FBXW4: variants seen among roughly 807,000 people sequenced by gnomAD.
FBXW4 encodes the protein F-box and WD repeat domain containing 4.
Under a neutral mutation model 61.8 loss-of-function variants are expected in FBXW4, and 40 were observed. The ratio of observed to expected loss-of-function variants is 0.65; its 90% CI spans 0.50 to 0.84. FBXW4 has a LOEUF of 0.84. FBXW4 is among the 40% of genes least tolerant of loss of function. The pLI, the probability that FBXW4 is intolerant of heterozygous loss-of-function variation, is 0.00. For synonymous variants in FBXW4, 311 were observed against 313.8 expected (o/e 0.99, Z 0.10); for missense variants, 672 against 753.8 (o/e 0.89, Z 1.27).
At chr10:101,675,629 C>CTCTTCA (rs2064400724) in intron 2 of FBXW4, among the ~76,000 whole-genome samples, 1 of 152,204 alleles carries the variant, frequency 6.6e-6, no homozygotes, top group South Asian at 2.1e-4. Flanking sequence ...AGAGGGCCGC[C>CTCTTCA]TGTGTCTTCA....
At chr10:101,624,378 T>A (rs1282022150) in intron 6 of FBXW4, among the ~76,000 whole-genome samples, 1 of 152,170 alleles carries the variant, frequency 6.6e-6, no homozygotes, top group Admixed American at 6.5e-5. Context: ...CTGTTCTGTA[T>A]AATTCTTTTT....
chr10:101,693,771 T>G (rs1280186160), intron 1 of FBXW4, among the ~76,000 whole-genome samples: 1 of 152,256 alleles, frequency 6.6e-6, no homozygotes, highest in East Asian at 1.9e-4. Context: ...CAATACCATG[T>G]CTTGTACACA....
intron 6 of FBXW4, among the ~76,000 whole-genome samples, chr10:101,617,565 T>C (rs889825407): frequency 3.3e-5 from 5 of 152,224 alleles, no homozygotes; most frequent in African/African-American, 1.2e-4. Flanking sequence ...GCCTCTCACA[T>C]GCATGTGTCT....
chr10:101,681,268 A>G (rs2064471563), intron 1 of FBXW4, among the ~76,000 whole-genome samples: 1 of 151,794 alleles, frequency 6.6e-6, no homozygotes, highest in South Asian at 2.1e-4. Flanking sequence ...GGCGTCTGCA[A>G]TCCCAGCTAC....
chr10:101,630,389 T>C (rs938734476), intron 5 of FBXW4, among the ~76,000 whole-genome samples: 4 of 152,200 alleles, frequency 2.6e-5, no homozygotes, highest in African/African-American at 7.2e-5. Context: ...ACAGGCCTCA[T>C]TGGCACCTGG....
At chr10:101,674,998 A>G (rs991830450) in intron 2 of FBXW4, among the ~76,000 whole-genome samples, 23 of 152,204 alleles carry the variant, frequency 1.5e-4, no homozygotes, top group African/African-American at 5.1e-4. Context: ...ACCATCTCCT[A>G]TTCCCAAGCC....
intron 6 of FBXW4, among the ~76,000 whole-genome samples, chr10:101,614,529 G>T (rs975554950): frequency 3.9e-5 from 6 of 152,174 alleles, no homozygotes; most frequent in African/African-American, 1.2e-4. Context: ...CTGCCCTCGG[G>T]GGGAGAGCCA....
rs1035518227 is a variant in FBXW4 at position 101,694,917 on chromosome 10, C to T, written c.189G>A (p.Gln63=). ...GSGAEGKPGP[Q]TAKEAAGPGA... ...CCGGCCCGGCTGCCTCCTTCGCCGT[C>T]TGCGGCCCGGGCTTCCCTTCCGCCC... The change falls in exon 1 of 9, where the codon CAG becomes CAA. Residue 63 remains glutamine, a synonymous_variant. Coordinates refer to ENST00000331272, the MANE Select transcript of FBXW4 (RefSeq NM_022039.4). The surrounding 1 kb of genome is among the most constrained non-coding windows in gnomAD (Gnocchi z 6.0). The T allele has an allele frequency of 6.5e-6, 8 of 1,224,374 alleles. No homozygotes were observed. The Admixed American group carries it at 3.0e-4, about 46-fold the overall frequency. The allele number at this position is 1,224,374 out of a possible 1,614,324, so 75.8% of individuals were successfully genotyped here.
chr10:101,673,105 G>A, intron 3 of FBXW4, 58 bp from the exon 4 acceptor site: 2 of 1,579,602 alleles, frequency 1.3e-6, no homozygotes, highest in Non-Finnish European at 1.7e-6. Flanking sequence ...TGTAGAAAGA[G>A]AACAACTCTC....
At chr10:101,674,761 C>T (rs995725134) in intron 2 of FBXW4, among the ~76,000 whole-genome samples, 1 of 152,000 alleles carries the variant, frequency 6.6e-6, no homozygotes, top group Admixed American at 6.6e-5. Context: ...AGTTAGATTC[C>T]CTCTGCAATC....
intron 6 of FBXW4, 121 bp from the exon 7 acceptor site, chr10:101,612,598 G>C: frequency 8.6e-7 from 1 of 1,162,682 alleles, no homozygotes; most frequent in Non-Finnish European, 1.1e-6. Flanking sequence ...TGAGACTCAA[G>C]GAAGGGGGCT....
intron 5 of FBXW4, among the ~76,000 whole-genome samples, chr10:101,665,693 C>G (rs1015547363): frequency 6.6e-6 from 1 of 152,312 alleles, no homozygotes; most frequent in African/African-American, 2.4e-5. Flanking sequence ...AATCAGTTTA[C>G]TGTAATCTTA....
chr10:101,640,345 G>T (rs1344547927), intron 5 of FBXW4, among the ~76,000 whole-genome samples: 2 of 152,174 alleles, frequency 1.3e-5, no homozygotes, highest in Admixed American at 6.5e-5. Context: ...GATCTTCAGA[G>T]ATTTGGTCCC....
intron 5 of FBXW4, among the ~76,000 whole-genome samples, chr10:101,663,799 G>C (rs543732204): frequency 6.6e-6 from 1 of 152,222 alleles, no homozygotes; most frequent in South Asian, 2.1e-4. Flanking sequence ...CACGCCTCCA[G>C]CATCTCATTC....
chr10:101,660,275 A>C, intron 5 of FBXW4: 3 of 968,174 alleles, frequency 3.1e-6, no homozygotes, highest in Non-Finnish European at 3.6e-6. Flanking sequence ...ACTGCAACAC[A>C]GATTAGGATA....
At chr10:101,671,547 C>A (rs1476541907) in intron 4 of FBXW4, among the ~76,000 whole-genome samples, 2 of 152,010 alleles carry the variant, frequency 1.3e-5, no homozygotes, top group African/African-American at 2.4e-5. Flanking sequence ...TTATACTGTT[C>A]TGGGTGTCAG....
At chr10:101,691,844 C>A (rs1431944037) in intron 1 of FBXW4, among the ~76,000 whole-genome samples, 5 of 152,060 alleles carry the variant, frequency 3.3e-5, no homozygotes, top group African/African-American at 1.2e-4. Flanking sequence ...CCCAAGAAGT[C>A]CCAAGGAACC....
At chr10:101,617,390 G>A (rs1421474227) in intron 6 of FBXW4, among the ~76,000 whole-genome samples, 1 of 152,148 alleles carries the variant, frequency 6.6e-6, no homozygotes, top group Non-Finnish European at 1.5e-5. Flanking sequence ...CCAGCTCTTT[G>A]CAGGCTTTTC....
chr10:101,678,248 A>AGAGAATTTTGAAATCATGAGC (rs889315364), intron 1 of FBXW4, among the ~76,000 whole-genome samples: 2 of 152,208 alleles, frequency 1.3e-5, no homozygotes, highest in African/African-American at 4.8e-5. Flanking sequence ...ACGCCTTTGA[A>AGAGAATTTTGAAATCATGAGC]GAGAATTTTG....
Sources: allele counts gnomAD v4.1 joint callset (sites outside exome capture counted in the v4.1 genomes callset), GRCh38; gene constraint gnomAD v4.1.1; non-coding constraint Gnocchi (gnomAD v3.1); transcripts MANE v1.5; gene names NCBI Gene and HGNC (gene_info 2026-07-23, HGNC 2026-07-21).